The following PPM1L variants were observed in gnomAD, a reference collection of about 807,000 sequenced individuals.
PPM1L encodes protein phosphatase, Mg2+/Mn2+ dependent 1L.
Under a neutral mutation model 31.4 loss-of-function variants are expected in PPM1L, and 13 were observed. That is an observed-to-expected ratio of 0.41 (90% CI 0.27 to 0.66). The LOEUF is 0.66. Among genes scored for constraint, PPM1L ranks in the 30% least tolerant of loss-of-function variants. The pLI is 0.29. For missense variants in PPM1L, 326 were observed against 453.7 expected, an observed-to-expected ratio of 0.72 and a Z score of 2.56; for synonymous variants, 184 against 175.4, an observed-to-expected ratio of 1.05 and a Z score of -0.39.
chr3:160,837,939 C>T (rs915220056), intron 1 of PPM1L, among the ~76,000 whole-genome samples: 6 of 152,098 alleles, frequency 3.9e-5, no homozygotes, highest in Non-Finnish European at 1.5e-5. Context: ...GTACTGGGCC[C>T]TGCAAATTAT....
intron 1 of PPM1L, among the ~76,000 whole-genome samples, chr3:160,774,549 G>T (rs935502880): frequency 6.6e-6 from 1 of 151,932 alleles, no homozygotes; most frequent in Non-Finnish European, 1.5e-5. Flanking sequence ...TGAAATTTTG[G>T]GTTCTCATAA....
chr3:160,832,012 A>G (rs948855327), intron 1 of PPM1L, among the ~76,000 whole-genome samples: 1 of 152,220 alleles, frequency 6.6e-6, no homozygotes, highest in Non-Finnish European at 1.5e-5. Flanking sequence ...TAGTATTTTC[A>G]TTACAAGTCA....
intron 1 of PPM1L, among the ~76,000 whole-genome samples, chr3:160,876,481 T>C (rs1712516875): frequency 1.3e-5 from 2 of 152,228 alleles, no homozygotes; most frequent in South Asian, 2.1e-4. Context: ...TCAGCATAGA[T>C]AATTTATAGT....
intron 1 of PPM1L, among the ~76,000 whole-genome samples, chr3:160,912,569 G>C (rs553316246): frequency 6.6e-6 from 1 of 152,302 alleles, no homozygotes; most frequent in Admixed American, 6.5e-5. Flanking sequence ...ACTAAGGTCT[G>C]AAATGCCACC....
rs1467901680 is a variant in PPM1L at position 160,956,604 on chromosome 3, A to G, written c.400-5132A>G. Among the ~76,000 whole-genome samples the G allele has an allele frequency of 3.3e-5, 5 of 152,374 alleles. No individual in the cohort carries two copies. The East Asian group carries it at 9.6e-4, about 29-fold the overall frequency. Reference sequence around the variant, plus strand: ...ATAAAGGCAAGAATGGAGAAGATCAAATGATTATGGAGAGGAAAGCATTAA... The same window carrying G: ...ATAAAGGCAAGAATGGAGAAGATCAGATGATTATGGAGAGGAAAGCATTAA... On this transcript the variant is annotated intron_variant, in intron 1 of 3. Transcript: ENST00000498165.
chr3:160,862,488 A>C (rs1711927332), intron 1 of PPM1L, among the ~76,000 whole-genome samples: 1 of 152,170 alleles, frequency 6.6e-6, no homozygotes, highest in Non-Finnish European at 1.5e-5. Flanking sequence ...GGGATGTGGA[A>C]TAGGACACCT....
chr3:160,864,489 C>T (rs1712019171), intron 1 of PPM1L, among the ~76,000 whole-genome samples: 1 of 152,152 alleles, frequency 6.6e-6, no homozygotes, highest in African/African-American at 2.4e-5. Flanking sequence ...CCTTGTCTTC[C>T]TTGACTACCA....
chr3:161,044,976 T>A (rs918061669), intron 2 of PPM1L, among the ~76,000 whole-genome samples: 3 of 152,176 alleles, frequency 2.0e-5, no homozygotes, highest in African/African-American at 7.2e-5. Context: ...GCAATCCTAG[T>A]CTCTGATAAA....
chr3:160,890,677 C>T (rs905959477), intron 1 of PPM1L, among the ~76,000 whole-genome samples: 1 of 152,136 alleles, frequency 6.6e-6, no homozygotes, highest in African/African-American at 2.4e-5. Flanking sequence ...CAAGACAATC[C>T]TAAGCAAAAA....
intron 2 of PPM1L, among the ~76,000 whole-genome samples, chr3:161,024,918 A>C (rs1476165484): frequency 6.6e-6 from 1 of 152,188 alleles, no homozygotes; most frequent in East Asian, 1.9e-4. Context: ...GAGGAATGAG[A>C]ATAGGGTGAG....
chr3:160,982,632 C>T (rs1346123862), intron 2 of PPM1L, among the ~76,000 whole-genome samples: 1 of 152,142 alleles, frequency 6.6e-6, no homozygotes, highest in Non-Finnish European at 1.5e-5. Context: ...GTTTCCTATC[C>T]CTTTTTTATT....
intron 1 of PPM1L, among the ~76,000 whole-genome samples, chr3:160,867,561 T>C (rs1010753430): frequency 1.3e-5 from 2 of 152,180 alleles, no homozygotes; most frequent in Admixed American, 1.3e-4. Context: ...CCTTATATGC[T>C]TAAATCTGGA....
chr3:160,946,242 G>T (rs1257869470), intron 1 of PPM1L, among the ~76,000 whole-genome samples: 1 of 152,074 alleles, frequency 6.6e-6, no homozygotes, highest in African/African-American at 2.4e-5. Flanking sequence ...TGAAACCATA[G>T]ACTTTACCAA....
intron 1 of PPM1L, among the ~76,000 whole-genome samples, chr3:160,944,730 CAT>C (rs1715268845): frequency 1.0e-5 from 1 of 98,952 alleles, no homozygotes; most frequent in Non-Finnish European, 2.4e-5. Flanking sequence ...TTATATATAA[CAT>C]GTTATATATT....
chr3:160,837,223 G>A (rs1560121294), intron 1 of PPM1L, among the ~76,000 whole-genome samples: 1 of 152,098 alleles, frequency 6.6e-6, no homozygotes. Context: ...TGTACCATCT[G>A]AAACCTTCTC....
intron 1 of PPM1L, among the ~76,000 whole-genome samples, chr3:160,951,943 A>G (rs1349527028): frequency 1.3e-5 from 2 of 152,184 alleles, no homozygotes; most frequent in Non-Finnish European, 2.9e-5. Context: ...TAGGTGTAAG[A>G]TTTCATTTTT....
chr3:160,977,476 T>A (rs1716632718), intron 2 of PPM1L, among the ~76,000 whole-genome samples: 1 of 152,244 alleles, frequency 6.6e-6, no homozygotes, highest in South Asian at 2.1e-4. Context: ...CTTTGACTTC[T>A]GTATCTATGA....
intron 1 of PPM1L, among the ~76,000 whole-genome samples, chr3:160,835,814 A>G (rs556835967): frequency 2.6e-5 from 4 of 152,314 alleles, no homozygotes; most frequent in East Asian, 3.9e-4. Context: ...CAAGAGTTCT[A>G]TAGTATCTTT....
At chr3:160,923,398 G>T (rs901778602) in intron 1 of PPM1L, among the ~76,000 whole-genome samples, 2 of 152,136 alleles carry the variant, frequency 1.3e-5, no homozygotes, top group African/African-American at 4.8e-5. Context: ...AAAACCATAT[G>T]TGTTATTTCC....
Sources: allele counts gnomAD v4.1 joint callset (sites outside exome capture counted in the v4.1 genomes callset), GRCh38; gene constraint gnomAD v4.1.1; transcripts MANE v1.5; gene names NCBI Gene and HGNC (gene_info 2026-07-23, HGNC 2026-07-21).